MARCHF1: variants seen among roughly 807,000 people sequenced by gnomAD.
The protein encoded by MARCHF1 is E3 ubiquitin-protein ligase MARCHF1.
A neutral mutation model predicts 54.2 loss-of-function variants in MARCHF1; 40 were observed. The ratio of observed to expected loss-of-function variants is 0.74; its 90% CI spans 0.57 to 0.96. The LOEUF is 0.96. Ranked by LOEUF, MARCHF1 falls within the 40% of genes least tolerant of loss-of-function variation. MARCHF1 has a pLI of 0.00. For missense variants in MARCHF1, 586 were observed against 656.5 expected (o/e 0.89, Z 1.17); for synonymous variants, 236 against 236.3 (o/e 1.00, Z 0.01).
intron 1 of MARCHF1, among the ~76,000 whole-genome samples, chr4:164,343,085 A>G (rs1379893860): frequency 1.3e-5 from 2 of 152,160 alleles, no homozygotes; most frequent in Non-Finnish European, 2.9e-5. Context: ...TATAGTTAAT[A>G]ATAATGTATT....
intron 2 of MARCHF1, among the ~76,000 whole-genome samples, chr4:163,994,556 A>T (rs1753030287): frequency 6.6e-6 from 1 of 151,910 alleles, no homozygotes; most frequent in Non-Finnish European, 1.5e-5. Flanking sequence ...GCACCCTAAA[A>T]CTTAAAGTAT....
intron 1 of MARCHF1, chr4:164,197,719 G>T (rs980689847): frequency 6.2e-7 from 1 of 1,611,570 alleles, no homozygotes; most frequent in Non-Finnish European, 8.5e-7. Context: ...CATCTCTCGC[G>T]CTCTCTGTCT....
intron 7 of MARCHF1, among the ~76,000 whole-genome samples, chr4:163,587,769 A>G (rs1740456535): frequency 6.6e-6 from 1 of 150,426 alleles, no homozygotes; most frequent in Admixed American, 6.6e-5. Context: ...ATCTAAAACA[A>G]AATTTTACAA....
In MARCHF1 at chr4:163,528,846, T is replaced by C. The variant is rs1289270923; in HGVS notation, c.1540A>G (p.Thr514Ala). The C allele has an allele frequency of 5.6e-6, 9 of 1,613,292 alleles. No individual in the cohort carries two copies. The highest frequency in any genetic ancestry group is 3.3e-5 in the Admixed American group (2 of 59,858). Residue 514 changes from threonine (T) to alanine (A), a missense_variant, in exon 10 of 10, where the codon ACA (threonine) becomes GCA (alanine). This residue lies in a region of MARCHF1 where 106 missense variants were observed against 93.8 expected (regional missense o/e 1.13). Transcript: ENST00000514618. ...ACTACCACAGCATCTTTGATGTCTG[T>C]GTTTACATTACATGAGAAGTTCTTC... ...LEKNFSCNVN[T>A]DIKDAVVVPV... is the part of the protein sequence containing the mutation.
At chr4:163,560,490 C>T (rs1739433937) in intron 8 of MARCHF1, among the ~76,000 whole-genome samples, 1 of 152,080 alleles carries the variant, frequency 6.6e-6, no homozygotes, top group Admixed American at 6.5e-5. Context: ...TCAAAGTTAA[C>T]TTGGCTATTC....
chr4:164,220,727 G>T (rs1441358514), intron 1 of MARCHF1, among the ~76,000 whole-genome samples: 3 of 144,536 alleles, frequency 2.1e-5, no homozygotes, highest in African/African-American at 5.1e-5. Flanking sequence ...TATGATATAT[G>T]TATATATGTA....
At chr4:164,331,850 A>G (rs1383290479) in intron 1 of MARCHF1, among the ~76,000 whole-genome samples, 2 of 152,220 alleles carry the variant, frequency 1.3e-5, no homozygotes, top group South Asian at 2.1e-4. Flanking sequence ...TCAAATATAT[A>G]CAATAACAGA....
chr4:164,093,288 G>A (rs1158148585), intron 2 of MARCHF1, among the ~76,000 whole-genome samples: 1 of 152,032 alleles, frequency 6.6e-6, no homozygotes, highest in African/African-American at 2.4e-5. Context: ...AAATTAATTT[G>A]GGGACTGATG....
intron 2 of MARCHF1, among the ~76,000 whole-genome samples, chr4:163,996,202 GTTA>G (rs1213317702): frequency 2.6e-5 from 4 of 151,820 alleles, no homozygotes; most frequent in South Asian, 4.1e-4. Flanking sequence ...CATTAGTAAT[GTTA>G]TTATTTTTTG....
intron 1 of MARCHF1, among the ~76,000 whole-genome samples, chr4:164,342,734 G>C (rs1450146997): frequency 6.6e-6 from 1 of 151,912 alleles, no homozygotes; most frequent in Non-Finnish European, 1.5e-5. Flanking sequence ...TTGATGAATG[G>C]ACAAAGAAAA....
intron 8 of MARCHF1, among the ~76,000 whole-genome samples, chr4:163,580,073 AT>A (rs1307455392): frequency 6.7e-6 from 1 of 150,262 alleles, no homozygotes; most frequent in Non-Finnish European, 1.5e-5. Context: ...TTATTTATTT[AT>A]TTATTTATTT....
At chr4:164,312,871 C>A (rs1734898663) in intron 1 of MARCHF1, among the ~76,000 whole-genome samples, 1 of 151,992 alleles carries the variant, frequency 6.6e-6, no homozygotes, top group African/African-American at 2.4e-5. Context: ...CTGCATGAGC[C>A]CTGTGCCGGC....
chr4:163,783,932 T>C (rs111522210), intron 4 of MARCHF1, among the ~76,000 whole-genome samples: 234 of 152,322 alleles, frequency 1.5e-3, no homozygotes, highest in African/African-American at 5.3e-3. Context: ...AGATCATAGA[T>C]GCATCAAATA....
chr4:163,949,358 G>T (rs925731024), intron 3 of MARCHF1, among the ~76,000 whole-genome samples: 2 of 152,172 alleles, frequency 1.3e-5, no homozygotes, highest in African/African-American at 4.8e-5. Flanking sequence ...GACAGGAACT[G>T]CAAAGCCCCA....
chr4:163,720,865 T>G (rs1282705745), intron 4 of MARCHF1, among the ~76,000 whole-genome samples: 2 of 152,248 alleles, frequency 1.3e-5, no homozygotes, highest in Non-Finnish European at 2.9e-5. Context: ...TTGTGATTTT[T>G]GCACACTGAT....
At chr4:163,671,835 T>C (rs1242321880) in intron 5 of MARCHF1, among the ~76,000 whole-genome samples, 1 of 150,552 alleles carries the variant, frequency 6.6e-6, no homozygotes, top group Non-Finnish European at 1.5e-5. Context: ...AAAGGTACTA[T>C]TTTTTTTCTA....
At chr4:163,828,296 T>C (rs981926208) in intron 4 of MARCHF1, among the ~76,000 whole-genome samples, 1 of 152,202 alleles carries the variant, frequency 6.6e-6, no homozygotes, top group South Asian at 2.1e-4. Flanking sequence ...AAATGAAGCA[T>C]GAAAAACAAC....
rs922834924 is a variant in MARCHF1, at chr4:164,070,202, G to A, written c.-248+41386C>T. 1.3e-4 allele frequency among the ~76,000 whole-genome samples: 20 copies of A among 152,098 alleles called. 1 individual carries two copies. The highest frequency in any genetic ancestry group is 5.2e-4 in the Admixed American group (8 of 15,262). On this transcript the variant is annotated intron_variant, in intron 2 of 9. Coordinates refer to ENST00000514618, the MANE Select transcript of MARCHF1 (RefSeq NM_001394959.1). Reference sequence around the variant, plus strand: ...TCTGGGTGCAATATACCCATGCAGTGAACCTAAACATATACCCCCTATATC... The same window carrying A: ...TCTGGGTGCAATATACCCATGCAGTAAACCTAAACATATACCCCCTATATC...
intron 7 of MARCHF1, among the ~76,000 whole-genome samples, chr4:163,611,726 C>G (rs1002079527): frequency 1.3e-5 from 2 of 152,088 alleles, no homozygotes; most frequent in Non-Finnish European, 2.9e-5. Flanking sequence ...TGGCCCCCTT[C>G]CCTACAGGCT....
Sources: gnomAD v4.1 joint callset for allele counts (sites outside exome capture counted in the v4.1 genomes callset) on GRCh38, gnomAD v4.1.1 for gene constraint, gnomAD v4.1.1 regional missense constraint, MANE v1.5 for transcripts, NCBI Gene and HGNC (gene_info 2026-07-23, HGNC 2026-07-21) for gene names.